The following SV2A variants were observed in gnomAD, a reference collection of about 807,000 sequenced individuals.
SV2A encodes synaptic vesicle glycoprotein 2A.
SV2A carries 25 observed loss-of-function variants against 78.0 expected under a neutral mutation model. That is an observed-to-expected ratio of 0.32 (90% CI 0.23 to 0.45). SV2A has a LOEUF of 0.45. Ranked by LOEUF, SV2A falls within the 20% of genes least tolerant of loss-of-function variation. The pLI is 1.00. For missense variants in SV2A, 752 were observed against 971.5 expected (o/e 0.77, Z 3.00); for synonymous variants, 355 against 384.7 (o/e 0.92, Z 0.90).
Position 149,910,514 on chromosome 1 carries a change from C to T in SV2A, c.1089+56G>A, listed in dbSNP as rs587645276. 2.5e-4 allele frequency: 372 copies of T among 1,506,054 alleles called. No homozygotes were observed. Among genetic ancestry groups the T allele is most frequent in the Admixed American group, 2.1e-3 (89 of 42,146 alleles). The allele number at this position is 1,506,054 out of a possible 1,614,324, so 93.3% of individuals were successfully genotyped here. Reference sequence around the variant, plus strand: ...GTTTGAACACAGAAGCCCCTGCTGCCGTCCACACTCCACAGCCCGCACCCC... The same window carrying T: ...GTTTGAACACAGAAGCCCCTGCTGCTGTCCACACTCCACAGCCCGCACCCC... On this transcript the variant is annotated intron_variant, in intron 5 of 12. Coordinates refer to ENST00000369146, the MANE Select transcript of SV2A (RefSeq NM_014849.5). The surrounding 1 kb of genome is among the most constrained non-coding windows in gnomAD (Gnocchi z 4.2).
chr1:149,911,894 T>G lies in SV2A; in HGVS notation c.709A>C (p.Ile237Leu). ...DRLGRRQCLL[I>L]SLSVNSVFAF... ...AAGACGCTGTTGACTGAGAGCGAGA[T>G]GAGCAGACACTGCCTCCGACCCAGC... The change falls in exon 3 of 13, where the codon ATC (isoleucine) becomes CTC (leucine). Residue 237 changes from isoleucine to leucine, a missense_variant. Physicochemically the swap from Ile to Leu is conservative, Grantham distance 5. Transcript: ENST00000369146. 4 of 1,614,068 alleles carry G rather than the reference T, an allele frequency of 2.5e-6. No homozygotes were observed. Among genetic ancestry groups the G allele is most frequent in the Non-Finnish European group, 3.4e-6 (4 of 1,180,012 alleles).
chr1:149,917,098 C>A (rs1051626333), intron 1 of SV2A, among the ~76,000 whole-genome samples: 4 of 152,002 alleles, frequency 2.6e-5, no homozygotes, highest in Non-Finnish European at 5.9e-5. Context: ...ACCTCCTCCA[C>A]CCTTGGTCCT....
rs781831604 is a variant in SV2A at position 149,905,095 on chromosome 1, G to A, written c.2148C>T (p.Ile716=). ...SFVGITKAAP[I]LFASAALALG... is the part of the protein sequence containing the mutation. ...GGGCAAGGGCAGCTGAGGCAAAGAG[G>A]ATGGGTGCAGCCTTGGTGATTCCCA... The change falls in exon 13 of 13, where the codon ATC becomes ATT. Residue 716 remains isoleucine, a synonymous_variant. Coordinates refer to ENST00000369146, the MANE Select transcript of SV2A (RefSeq NM_014849.5). The A allele has an allele frequency of 1.2e-6, 2 of 1,613,486 alleles. No homozygotes were observed. The highest frequency in any genetic ancestry group is 1.7e-6 in the Non-Finnish European group (2 of 1,179,784).
intron 7 of SV2A, 27 bp downstream of exon 7, chr1:149,909,434 T>C (rs1553763323): frequency 1.3e-6 from 2 of 1,592,954 alleles, no homozygotes; most frequent in Admixed American, 3.3e-5. Context: ...CCCACTCCCT[T>C]CTATCTACCA....
intron 11 of SV2A, 115 bp from the exon 12 acceptor site, chr1:149,906,154 G>C (rs921083137): frequency 7.9e-7 from 1 of 1,273,824 alleles, no homozygotes; most frequent in African/African-American, 1.5e-5. Flanking sequence ...TTGTTCCGAA[G>C]GTATCCAACC....
chr1:149,905,739 G>T, intron 12 of SV2A, 141 bp downstream of exon 12: 1 of 1,233,618 alleles, frequency 8.1e-7, no homozygotes, highest in Non-Finnish European at 1.1e-6. Flanking sequence ...CACCGTGCCC[G>T]GCCAAAGCTA....
intron 3 of SV2A, 72 bp from the exon 4 acceptor site, chr1:149,911,049 C>T: frequency 6.6e-7 from 1 of 1,524,918 alleles, no homozygotes; most frequent in South Asian, 1.2e-5. Context: ...CTGCTCTGGA[C>T]CCCGAGCCCC....
chr1:149,913,705 A>G lies in SV2A; in HGVS notation c.136T>C (p.Tyr46His), dbSNP rs781932183. 2 of 1,614,090 alleles carry G rather than the reference A, an allele frequency of 1.2e-6. No individual in the cohort carries two copies. The highest frequency in any genetic ancestry group is 2.2e-5 in the South Asian group (2 of 91,068). ...TCATCCTCCTCCTCAAAGCGGGAGT[A>G]CGATCTTCGGGAATATTCGTCCTGG... is the stretch of plus-strand genomic sequence containing the variant. Reference protein sequence around the residue: ...RVQDEYSRRSYSRFEEEDDDD... With the variant: ...RVQDEYSRRSHSRFEEEDDDD... Residue 46 changes from tyrosine (Y) to histidine (H), a missense_variant, in exon 2 of 13, where the codon TAC (tyrosine) becomes CAC (histidine). Transcript: ENST00000369146.
In SV2A at chr1:149,913,354, G is replaced by C. The variant is rs187251378; in HGVS notation, c.487C>G (p.Arg163Gly). 18 of 1,614,120 alleles carry C rather than the reference G, an allele frequency of 1.1e-5. No individual in the cohort carries two copies. In the South Asian group the frequency reaches 2.0e-4, roughly 18 times the overall value. Residue 163 changes from arginine (R) to glycine (G), a missense_variant, in exon 2 of 13, where the codon CGC becomes GGC. Coordinates refer to ENST00000369146, the MANE Select transcript of SV2A (RefSeq NM_014849.5). ...ACAAAATACAGTGTCCACTGGAAGC[G>C]GCCGTGGCCACACTCCCGTAGGATG... ...EAILRECGHG[R>G]FQWTLYFVLG...
intron 7 of SV2A, 53 bp from the exon 8 acceptor site, chr1:149,909,333 A>C: frequency 4.4e-6 from 7 of 1,596,482 alleles, no homozygotes; most frequent in Non-Finnish European, 6.0e-6. Context: ...TCTAGCACCC[A>C]TAGATCCCCA....
rs1553762368 is a variant in SV2A at position 149,904,502 on chromosome 1, G to A, written c.*512C>T. 6.5e-6 allele frequency: 1 copy of A among 153,186 alleles called. No homozygotes were observed. Among genetic ancestry groups the A allele is most frequent in the East Asian group, 1.9e-4 (1 of 5,202 alleles). The allele number at this position is 153,186 out of a possible 1,614,324, so 9.5% of individuals were successfully genotyped here. A position where few individuals can be genotyped will look rare whatever the true frequency, so the allele number is the denominator to read the frequency against. On this transcript the variant is annotated 3_prime_UTR_variant, in exon 13 of 13. Transcript: ENST00000369146. ...AGGAAAGTGGAGGCCAGAGGGCTGA[G>A]GTTTATTGCTTCTCCCCCAGCATCC...
In SV2A at chr1:149,910,710, G is replaced by C; in HGVS notation, c.956-7C>G. On this transcript the variant is annotated splice_polypyrimidine_tract_variant and splice_region_variant and intron_variant, in intron 4 of 12. Coordinates refer to ENST00000369146, the MANE Select transcript of SV2A (RefSeq NM_014849.5). The surrounding 1 kb of genome is among the most constrained non-coding windows in gnomAD (Gnocchi z 4.2). ...CCCATCTGAAAACTCCACCCTGGTA[G>C]GGAGAAAGTGACAGCATCAGCAGAG... 6.2e-7 allele frequency: 1 copy of C among 1,613,822 alleles called. No homozygotes were observed. Among genetic ancestry groups the C allele is most frequent in the East Asian group, 2.2e-5 (1 of 44,880 alleles).
At chr1:149,905,570 T>C (rs781959096) in intron 12 of SV2A, 12 of 324,450 alleles carry the variant, frequency 3.7e-5, no homozygotes, top group East Asian at 6.8e-5. Flanking sequence ...TCTCCTGCCT[T>C]AGCCTCCTGA....
In SV2A at chr1:149,904,877, G is replaced by A. The variant is rs899385916; in HGVS notation, c.*137C>T. ...GGTTTACACACATGCACACGCACAC[G>A]CACACACAGCTAAGACACCAAACAC... On this transcript the variant is annotated 3_prime_UTR_variant, in exon 13 of 13. Coordinates refer to ENST00000369146, the MANE Select transcript of SV2A (RefSeq NM_014849.5). 2.3e-5 allele frequency: 22 copies of A among 958,732 alleles called. No individual in the cohort carries two copies. Among genetic ancestry groups the A allele is most frequent in the Middle Eastern group, 3.3e-4 (1 of 2,998 alleles). The allele number at this position is 958,732 out of a possible 1,614,324, so 59.4% of individuals were successfully genotyped here.
In SV2A at chr1:149,913,213, T is replaced by A; in HGVS notation, c.622+6A>T. The stretch of plus-strand genomic sequence containing the variant: ...GGGGATAAGGCTGGAGCCCCCCATG[T>A]CTTACCTAGCATGCCTTTGTTGGAG... On this transcript the variant is annotated splice_donor_region_variant and intron_variant, in intron 2 of 12. Transcript: ENST00000369146. 1 of 1,612,068 alleles carries A rather than the reference T, an allele frequency of 6.2e-7. No individual in the cohort carries two copies. The highest frequency in any genetic ancestry group is 8.5e-7 in the Non-Finnish European group (1 of 1,179,244).
At chr1:149,912,743 G>A (rs1412454974) in intron 2 of SV2A, among the ~76,000 whole-genome samples, 1 of 152,050 alleles carries the variant, frequency 6.6e-6, no homozygotes, top group Admixed American at 6.6e-5. Context: ...CTGAGTGAGA[G>A]AAAGTCTAAC....
rs2092412793 is a variant in SV2A at position 149,903,437 on chromosome 1, C to T, written c.*1577G>A. On this transcript the variant is annotated 3_prime_UTR_variant, in exon 13 of 13. Transcript: ENST00000369146. ...GAGAGCAAGGGAGATGGATGGGTCC[C>T]TCCCAGGGGTGCGAGGAAGAGGGCT... is the stretch of plus-strand genomic sequence containing the variant. 1 of 152,322 alleles carries T rather than the reference C, an allele frequency of 6.6e-6. No individual in the cohort carries two copies. The allele number at this position is 152,322 out of a possible 1,614,324, so 9.4% of individuals were successfully genotyped here. A position where few individuals can be genotyped will look rare whatever the true frequency, so the allele number is the denominator to read the frequency against.
rs149207013 is a variant in SV2A, at chr1:149,913,424, T to C, written c.417A>G (p.Ala139=). The C allele has an allele frequency of 2.1e-5, 34 of 1,613,932 alleles. No homozygotes were observed. In the African/African-American group the frequency reaches 4.3e-4, roughly 20 times the overall value. ...GEGPPGGRGE[A]QRRKEREELA... ...GTTCTTCTCGTTCTTTCCGTCGTTGTGCCTCCCCCCGGCCCCCAGGGGGAC... is the reference window on the plus strand; with the variant it reads ...GTTCTTCTCGTTCTTTCCGTCGTTGCGCCTCCCCCCGGCCCCCAGGGGGAC... The change falls in exon 2 of 13, where the codon GCA becomes GCG. Residue 139 remains alanine, a synonymous_variant. Transcript: ENST00000369146.
In SV2A at chr1:149,913,723, C is replaced by G. The variant is rs1160683240; in HGVS notation, c.118G>C (p.Glu40Gln). 6.2e-7 allele frequency: 1 copy of G among 1,613,988 alleles called. No homozygotes were observed. The highest frequency in any genetic ancestry group is 1.3e-5 in the African/African-American group (1 of 74,874). Residue 40 changes from glutamate to glutamine, a missense_variant, in exon 2 of 13, where the codon GAA (glutamate) becomes CAA (glutamine). By Grantham distance (29) the Glu-to-Gln change is conservative. Transcript: ENST00000369146. ...CGGGAGTACGATCTTCGGGAATATTCGTCCTGGACTCTGTCCAGGCCCTTC... is the reference window on the plus strand; with the variant it reads ...CGGGAGTACGATCTTCGGGAATATTGGTCCTGGACTCTGTCCAGGCCCTTC... The part of the protein sequence containing the change: ...VVKGLDRVQD[E>Q]YSRRSYSRFE...
Sources: gnomAD v4.1 joint callset for allele counts (sites outside exome capture counted in the v4.1 genomes callset) on GRCh38, gnomAD v4.1.1 for gene constraint, Gnocchi (gnomAD v3.1) non-coding constraint, MANE v1.5 for transcripts, NCBI Gene and HGNC (gene_info 2026-07-23, HGNC 2026-07-21) for gene names.